The following ATG13 variants were observed in gnomAD, a reference collection of about 807,000 sequenced individuals.
ATG13 encodes autophagy-related protein 13.
Under a neutral mutation model 65.5 loss-of-function variants are expected in ATG13, and 23 were observed. That is an observed-to-expected ratio of 0.35 (90% confidence interval 0.25 to 0.50). The LOEUF (loss-of-function observed/expected upper bound fraction) is 0.50, where lower values mean the gene tolerates loss of function less well. ATG13 is among the 20% of genes least tolerant of loss of function. The pLI is 0.98. For synonymous variants in ATG13, 252 were observed against 245.2 expected, an observed-to-expected ratio of 1.03 and a Z score of -0.26; for missense variants, 566 against 677.0, an observed-to-expected ratio of 0.84 and a Z score of 1.82.
intron 1 of ATG13, among the ~76,000 whole-genome samples, chr11:46,624,496 T>A (rs1056209384): frequency 4.6e-5 from 7 of 151,890 alleles, no homozygotes; most frequent in Non-Finnish European, 2.9e-5. Flanking sequence ...AGATTTTTTT[T>A]TTTTTGTTCT....
chr11:46,629,044 G>A (rs1346716746), intron 1 of ATG13, among the ~76,000 whole-genome samples: 1 of 151,402 alleles, frequency 6.6e-6, no homozygotes, highest in Non-Finnish European at 1.5e-5. Context: ...CTGGGCTCAA[G>A]AGATCCTCCC....
At chr11:46,654,681 C>T (rs1158786879) in intron 7 of ATG13, among the ~76,000 whole-genome samples, 1 of 151,792 alleles carries the variant, frequency 6.6e-6, no homozygotes, top group South Asian at 2.1e-4. Flanking sequence ...GTGGTCATAC[C>T]ACTGCACTCC....
intron 5 of ATG13, among the ~76,000 whole-genome samples, chr11:46,646,819 G>A (rs543557718): frequency 1.1e-4 from 16 of 151,990 alleles, no homozygotes; most frequent in Non-Finnish European, 1.9e-4. Flanking sequence ...GAGTGCAGTG[G>A]CACAATCATG....
At chr11:46,647,217 T>A (rs2057791641) in intron 5 of ATG13, among the ~76,000 whole-genome samples, 1 of 152,106 alleles carries the variant, frequency 6.6e-6, no homozygotes, top group Non-Finnish European at 1.5e-5. Context: ...TGTTTATATT[T>A]GTTTCTAGAG....
intron 6 of ATG13, 117 bp from the exon 7 acceptor site, chr11:46,650,060 G>T: frequency 1.7e-6 from 2 of 1,152,594 alleles, no homozygotes; most frequent in Non-Finnish European, 2.4e-6. Flanking sequence ...GTAATCTGTT[G>T]ATAAAGGTGT....
chr11:46,626,220 A>T (rs2049552640), intron 1 of ATG13, among the ~76,000 whole-genome samples: 1 of 151,086 alleles, frequency 6.6e-6, no homozygotes, highest in African/African-American at 2.4e-5. Context: ...CTCCCAAAGT[A>T]CTGGGATTAC....
chr11:46,664,759 C>T, intron 12 of ATG13, 90 bp from the exon 13 acceptor site: 1 of 1,203,350 alleles, frequency 8.3e-7, no homozygotes, highest in Non-Finnish European at 1.2e-6. Context: ...TTCCTTATCT[C>T]TCTACTGAGC....
intron 1 of ATG13, among the ~76,000 whole-genome samples, chr11:46,622,141 T>C (rs1471540795): frequency 1.5e-5 from 2 of 133,900 alleles, no homozygotes; most frequent in East Asian, 2.3e-4. Flanking sequence ...ATTTTAGAGA[T>C]GGTATTTGCC....
chr11:46,672,502 C>G lies in ATG13; in HGVS notation c.*170C>G. On this transcript the variant is annotated 3_prime_UTR_variant, in exon 19 of 19. Coordinates refer to ENST00000683050, the MANE Select transcript of ATG13 (RefSeq NM_001346311.2). ...CTACTCTTGGACCTCCTGGAGACTC[C>G]GTGGCGGCAGTCAAGCCCAGTGCCC... The G allele has an allele frequency of 6.7e-7, 1 of 1,482,098 alleles. No homozygotes were observed. The highest frequency in any genetic ancestry group is 1.3e-5 in the South Asian group (1 of 75,582). 91.8% of individuals were successfully genotyped at this position (1,482,098 alleles called of 1,614,324 possible). A position where few individuals can be genotyped will look rare whatever the true frequency, so the allele number is the denominator to read the frequency against.
At chr11:46,669,786 G>A (rs923535424) in intron 18 of ATG13, among the ~76,000 whole-genome samples, 6 of 152,030 alleles carry the variant, frequency 3.9e-5, no homozygotes, top group Non-Finnish European at 5.9e-5. Flanking sequence ...TGTGCCTGAC[G>A]TCTTCTCCTT....
At chr11:46,636,646 G>A (rs569833714) in intron 2 of ATG13, among the ~76,000 whole-genome samples, 1 of 151,464 alleles carries the variant, frequency 6.6e-6, no homozygotes, top group African/African-American at 2.4e-5. Flanking sequence ...GGGTAGAGAT[G>A]GAGTTTCACT....
chr11:46,670,735 C>T (rs1207807190), intron 18 of ATG13, among the ~76,000 whole-genome samples: 3 of 152,032 alleles, frequency 2.0e-5, no homozygotes, highest in African/African-American at 7.2e-5. Context: ...CTTGCTTGAG[C>T]TGGGGAAGTC....
At position 46,634,900 on chromosome 11, in the gene ATG13, A is replaced by G. The variant is rs187522700; in HGVS notation, c.-14+4800A>G. Among the ~76,000 whole-genome samples, 114 of 150,604 alleles carry G rather than the reference A, an allele frequency of 7.6e-4. No individual in the cohort carries two copies. In the East Asian group the frequency reaches 0.021, roughly 28 times the overall value. ...GTATTTTTAGTAGAGGCCGGGTTTC[A>G]CCATATTGGCCAGGCTTTTCTTGAA... On this transcript the variant is annotated intron_variant, in intron 2 of 18. Transcript: ENST00000683050.
intron 5 of ATG13, among the ~76,000 whole-genome samples, chr11:46,647,010 TCA>T (rs2057731821): frequency 6.6e-6 from 1 of 152,154 alleles, no homozygotes; most frequent in African/African-American, 2.4e-5. Context: ...TCTGCCTGCC[TCA>T]GTCTCTCAGA....
intron 11 of ATG13, among the ~76,000 whole-genome samples, chr11:46,660,910 A>T (rs925364807): frequency 9.2e-5 from 14 of 151,446 alleles, no homozygotes; most frequent in Admixed American, 3.3e-4. Flanking sequence ...GGGTTTTGCC[A>T]TGTTGCCCAG....
At position 46,637,016 on chromosome 11, in the gene ATG13, T is replaced by G. The variant is rs1319098769; in HGVS notation, c.-14+6916T>G. The stretch of plus-strand genomic sequence containing the variant: ...TGCTGGGATTACAGGTGTGAGCCAC[T>G]GCGCCCAGCCATTGAGAAAGAATTC... On this transcript the variant is annotated intron_variant, in intron 2 of 18. Transcript: ENST00000683050. Among the ~76,000 whole-genome samples the G allele has an allele frequency of 2.0e-5, 3 of 152,200 alleles. No individual in the cohort carries two copies. In the East Asian group the frequency reaches 5.8e-4, roughly 29 times the overall value.
At chr11:46,668,955 T>G (rs779054903) in intron 17 of ATG13, 45 bp downstream of exon 17, 1 of 1,466,114 alleles carries the variant, frequency 6.8e-7, no homozygotes, top group South Asian at 1.1e-5. Context: ...CCCGGGGAAC[T>G]AGACCTAGAA....
At chr11:46,668,063 C>T (rs1211345634) in intron 15 of ATG13, among the ~76,000 whole-genome samples, 176 bp downstream of exon 15, 1 of 152,168 alleles carries the variant, frequency 6.6e-6, no homozygotes, top group Non-Finnish European at 1.5e-5. Flanking sequence ...GCTACCCCTC[C>T]AGAATAAGTT....
intron 7 of ATG13, 37 bp from the exon 8 acceptor site, chr11:46,656,196 G>GA: frequency 6.3e-7 from 1 of 1,594,954 alleles, no homozygotes; most frequent in Non-Finnish European, 8.6e-7. Context: ...TAGGAGTAAA[G>GA]AATCAGGTAA....
Sources: allele counts gnomAD v4.1 joint callset (sites outside exome capture counted in the v4.1 genomes callset), GRCh38; gene constraint gnomAD v4.1.1; transcripts MANE v1.5; gene names NCBI Gene and HGNC (gene_info 2026-07-23, HGNC 2026-07-21).